PPP2R2B: variants seen among roughly 807,000 people sequenced by gnomAD.
PPP2R2B encodes protein phosphatase 2 regulatory subunit Bbeta.
Under a neutral mutation model 46.0 loss-of-function variants are expected in PPP2R2B, and 5 were observed. The ratio of observed to expected loss-of-function variants is 0.11; its 90% CI spans 0.06 to 0.23. The LOEUF (loss-of-function observed/expected upper bound fraction) is 0.23, where lower values mean the gene tolerates loss of function less well. PPP2R2B is among the 10% of genes least tolerant of loss of function. The probability of loss-of-function intolerance (pLI) is 1.00; values close to 1 mark genes in which losing one functional copy is unlikely to be tolerated. For synonymous variants in PPP2R2B, 215 were observed against 206.7 expected (o/e 1.04, Z -0.34); for missense variants, 367 against 575.0 (o/e 0.64, Z 3.70).
upstream of PPP2R2B, among the ~76,000 whole-genome samples, chr5:146,879,880 T>C (rs1340841710): frequency 6.6e-6 from 1 of 152,186 alleles, no homozygotes; most frequent in Non-Finnish European, 1.5e-5. Flanking sequence ...GGTACCACTG[T>C]AGGGAGAGAC....
At chr5:146,972,952 TTG>T (rs1375615949) in intron 1 of PPP2R2B, among the ~76,000 whole-genome samples, 1 of 152,028 alleles carries the variant, frequency 6.6e-6, no homozygotes, top group Non-Finnish European at 1.5e-5. Flanking sequence ...ATTTTTTCTG[TTG>T]TGTTTTTGCC....
chr5:146,647,286 A>G (rs1482496463), intron 6 of PPP2R2B, among the ~76,000 whole-genome samples: 1 of 38,264 alleles, frequency 2.6e-5, no homozygotes, highest in South Asian at 1.1e-3. Flanking sequence ...GGAATCCCAA[A>G]TTATTCTATC....
intron 7 of PPP2R2B, chr5:146,607,261 G>T (rs1371105838): frequency 1.3e-5 from 2 of 152,210 alleles, no homozygotes; most frequent in African/African-American, 2.4e-5. Context: ...CCTTTATCCA[G>T]CTGAGGACAG....
At chr5:146,647,631 C>T (rs1366611503) in intron 6 of PPP2R2B, among the ~76,000 whole-genome samples, 2 of 152,208 alleles carry the variant, frequency 1.3e-5, no homozygotes, top group Non-Finnish European at 2.9e-5. Flanking sequence ...AATATTTCCC[C>T]TTTGCATTCT....
intron 2 of PPP2R2B, among the ~76,000 whole-genome samples, chr5:146,825,809 T>C (rs564579592): frequency 1.3e-5 from 2 of 152,370 alleles, no homozygotes; most frequent in Admixed American, 6.5e-5. Flanking sequence ...CAGTGTGCTA[T>C]GACATGCTAT....
chr5:146,730,896 A>T (rs892505088), intron 2 of PPP2R2B, among the ~76,000 whole-genome samples: 1 of 152,214 alleles, frequency 6.6e-6, no homozygotes, highest in Admixed American at 6.5e-5. Flanking sequence ...AATTGGCATG[A>T]GGAGTCTGAC....
chr5:146,680,646 G>T (rs991472706), intron 5 of PPP2R2B, among the ~76,000 whole-genome samples: 1 of 152,072 alleles, frequency 6.6e-6, no homozygotes, highest in African/African-American at 2.4e-5. Flanking sequence ...TTAAGCTAGG[G>T]TTTCCTATAT....
intron 1 of PPP2R2B, chr5:147,035,171 T>G (rs1432710587): frequency 2.2e-6 from 1 of 453,320 alleles, no homozygotes; most frequent in East Asian, 7.1e-5. Context: ...TGACTCACAG[T>G]TCTGCATGGC....
intron 2 of PPP2R2B, among the ~76,000 whole-genome samples, chr5:146,829,066 A>G (rs568271793): frequency 3.3e-5 from 5 of 152,304 alleles, no homozygotes; most frequent in Admixed American, 2.6e-4. Context: ...TTTTAAAAAA[A>G]CCTGCTTAAT....
At chr5:146,606,695 T>C (rs1772306038) in intron 7 of PPP2R2B, among the ~76,000 whole-genome samples, 1 of 152,152 alleles carries the variant, frequency 6.6e-6, no homozygotes. Context: ...AAGAACCAGT[T>C]GTGGTACTGA....
In PPP2R2B at chr5:146,698,129, G is replaced by T. The variant is rs746485595; in HGVS notation, c.184C>A (p.His62Asn). The T allele has an allele frequency of 5.0e-6, 8 of 1,592,338 alleles. No individual in the cohort carries two copies. In the South Asian group the frequency reaches 9.1e-5, roughly 18 times the overall value. ...QREQESKNQV[H>N]RRGEYNVYST... ...TAAACATTGTATTCACCCCTACGATGAACCTGATTTTTACTCTGTAGGAAA... is the reference window on the plus strand; with the variant it reads ...TAAACATTGTATTCACCCCTACGATTAACCTGATTTTTACTCTGTAGGAAA... The change falls in exon 4 of 10, where the codon CAT becomes AAT. Residue 62 changes from histidine to asparagine, a missense_variant. His to Asn is a moderately conservative substitution (Grantham distance 68, BLOSUM62 1). Coordinates refer to ENST00000394411, the MANE Select transcript of PPP2R2B (RefSeq NM_181675.4).
At chr5:146,944,948 C>T (rs568411130) in intron 1 of PPP2R2B, among the ~76,000 whole-genome samples, 2 of 152,116 alleles carry the variant, frequency 1.3e-5, no homozygotes, top group South Asian at 4.2e-4. Context: ...CCAAAGATGC[C>T]CTCTTGTAAC....
intron 2 of PPP2R2B, among the ~76,000 whole-genome samples, chr5:146,795,884 T>G (rs891216929): frequency 1.3e-5 from 2 of 152,192 alleles, no homozygotes; most frequent in Non-Finnish European, 2.9e-5. Flanking sequence ...CAGCGTAGTA[T>G]CTGGCACATG....
intron 2 of PPP2R2B, among the ~76,000 whole-genome samples, chr5:146,736,257 A>G (rs1395175074): frequency 6.6e-6 from 1 of 152,216 alleles, no homozygotes; most frequent in African/African-American, 2.4e-5. Flanking sequence ...CTGTGAGTCA[A>G]TTAAACCTCT....
chr5:146,871,492 C>T (rs1289047622), intron 2 of PPP2R2B, among the ~76,000 whole-genome samples: 2 of 152,188 alleles, frequency 1.3e-5, no homozygotes, highest in Non-Finnish European at 2.9e-5. Flanking sequence ...ATTCCATAAA[C>T]ATTTTTTTCT....
At chr5:146,722,100 G>C (rs1780840344) in intron 2 of PPP2R2B, among the ~76,000 whole-genome samples, 1 of 152,104 alleles carries the variant, frequency 6.6e-6, no homozygotes, top group South Asian at 2.1e-4. Context: ...GCTAGCCTTT[G>C]GCAGAACCAG....
At chr5:146,996,122 C>T (rs1464178313) in intron 1 of PPP2R2B, among the ~76,000 whole-genome samples, 1 of 152,134 alleles carries the variant, frequency 6.6e-6, no homozygotes, top group Non-Finnish European at 1.5e-5. Context: ...TACAGGTGTG[C>T]TCAGAAGCAT....
At chr5:146,822,612 T>A (rs193186258) in intron 2 of PPP2R2B, among the ~76,000 whole-genome samples, 2 of 148,814 alleles carry the variant, frequency 1.3e-5, no homozygotes, top group Admixed American at 1.3e-4. Context: ...TACCACCCAC[T>A]CTCTATATCC....
chr5:147,065,519 A>G (rs191668610), intron 2 of PPP2R2B, among the ~76,000 whole-genome samples: 25 of 152,218 alleles, frequency 1.6e-4, no homozygotes, highest in African/African-American at 5.5e-4. Context: ...CTCTGGATAC[A>G]GTGTGAAGAA....
Sources: gnomAD v4.1 joint callset for allele counts (sites outside exome capture counted in the v4.1 genomes callset) on GRCh38, gnomAD v4.1.1 for gene constraint, MANE v1.5 for transcripts, NCBI Gene and HGNC (gene_info 2026-07-23, HGNC 2026-07-21) for gene names.